HDAC8: variants seen among roughly 807,000 people sequenced by gnomAD.
The protein encoded by HDAC8 is histone deacetylase-like 1.
In HDAC8, 1 loss-of-function variant was observed where a neutral mutation model predicts 32.2. That is an observed-to-expected ratio of 0.03 (90% CI 0.01 to 0.15). The LOEUF is 0.15. Among genes scored for constraint, HDAC8 ranks in the 10% least tolerant of loss-of-function variants. The pLI, the probability that HDAC8 is intolerant of heterozygous loss-of-function variation, is 1.00. For missense variants in HDAC8, 117 were observed against 300.0 expected, an observed-to-expected ratio of 0.39 and a Z score of 4.51; for synonymous variants, 108 against 113.9, an observed-to-expected ratio of 0.95 and a Z score of 0.33.
intron 9 of HDAC8, among the ~76,000 whole-genome samples, chrX:72,391,865 C>T (rs2045621368): frequency 9.0e-6 from 1 of 111,383 alleles, no homozygotes; most frequent in African/African-American, 3.3e-5. Flanking sequence ...CAAGGAACCT[C>T]TACTCTCACA....
chrX:72,423,124 C>T (rs1399532345), intron 9 of HDAC8, among the ~76,000 whole-genome samples: 2 of 111,311 alleles, frequency 1.8e-5, no homozygotes, highest in African/African-American at 6.5e-5. Flanking sequence ...TAATTTTACC[C>T]TGAGATGCTT....
chrX:72,425,099 C>G (rs1169279921), intron 9 of HDAC8, among the ~76,000 whole-genome samples: 4 of 111,638 alleles, frequency 3.6e-5, no homozygotes, highest in African/African-American at 1.3e-4. Flanking sequence ...TATGGTAATT[C>G]TATGTTTAAC....
intron 4 of HDAC8, among the ~76,000 whole-genome samples, chrX:72,546,978 T>C (rs2050884122): frequency 9.0e-6 from 1 of 111,402 alleles, no homozygotes; most frequent in Non-Finnish European, 1.9e-5. Context: ...TCCTAATCTC[T>C]TAAAACAATA....
At chrX:72,396,754 T>G (rs782295485) in intron 9 of HDAC8, among the ~76,000 whole-genome samples, 194 of 110,621 alleles carry the variant, frequency 1.8e-3, no homozygotes, top group African/African-American at 5.9e-3. Context: ...TAATCCCAGC[T>G]ACTTGGGAGG....
Position 72,474,539 on chromosome X carries a change from C to A in HDAC8, c.738-9808G>T. The A allele has an allele frequency of 2.7e-6, 3 of 1,106,260 alleles. No individual in the cohort carries two copies. The South Asian group carries it at 7.1e-5, about 26-fold the overall frequency. 91.2% of individuals were successfully genotyped at this position (1,106,260 alleles called of 1,213,427 possible). On this transcript the variant is annotated intron_variant, in intron 7 of 10. Transcript: ENST00000373573. ...ATCCAGAAAGGAGGGGGAGGACAGG[C>A]ATCTCTTTATACTACATTAGTAACT... is the stretch of plus-strand genomic sequence containing the variant.
rs1260884432 is a variant in HDAC8 at position 72,415,092 on chromosome X, A to G, written c.1005+46912T>C. On this transcript the variant is annotated intron_variant, in intron 9 of 10. Transcript: ENST00000373573. ...TTTTGAAAACTTTCAAATCTATAGAAAAGCTACAAAAACAATATAATGAAT... is the reference window on the plus strand; with the variant it reads ...TTTTGAAAACTTTCAAATCTATAGAGAAGCTACAAAAACAATATAATGAAT... Among the ~76,000 whole-genome samples the G allele has an allele frequency of 2.7e-5, 3 of 112,506 alleles. No homozygotes were observed. In the Admixed American group the frequency reaches 2.8e-4, roughly 11 times the overall value.
chrX:72,492,020 C>T (rs2048886445), intron 5 of HDAC8, among the ~76,000 whole-genome samples: 1 of 111,870 alleles, frequency 8.9e-6, no homozygotes, highest in Non-Finnish European at 1.9e-5. Flanking sequence ...GTTTGAATTT[C>T]CCAAGCCTTA....
intron 9 of HDAC8, among the ~76,000 whole-genome samples, chrX:72,431,611 C>T (rs931412172): frequency 2.7e-5 from 3 of 110,564 alleles, no homozygotes; most frequent in Non-Finnish European, 5.7e-5. Context: ...ATTTTCTTTA[C>T]CGTCTATTCA....
At chrX:72,440,975 C>G (rs1555981503) in intron 9 of HDAC8, among the ~76,000 whole-genome samples, 1 of 112,880 alleles carries the variant, frequency 8.9e-6, no homozygotes, top group African/African-American at 3.2e-5. Flanking sequence ...GGCAGCGAGG[C>G]TGAGGGAGGG....
intron 4 of HDAC8, among the ~76,000 whole-genome samples, chrX:72,513,936 A>G (rs184190313): frequency 4.5e-4 from 50 of 112,168 alleles, no homozygotes; most frequent in Middle Eastern, 4.6e-3. Flanking sequence ...TCACACCATT[A>G]ACCATTTTCT....
intron 9 of HDAC8, among the ~76,000 whole-genome samples, chrX:72,368,133 G>A (rs1389184678): frequency 7.1e-5 from 8 of 112,014 alleles, no homozygotes; most frequent in African/African-American, 2.3e-4. Flanking sequence ...ATGGAAACTC[G>A]TTTCCTCTTT....
At chrX:72,332,721 G>C (rs972971762) in intron 10 of HDAC8, among the ~76,000 whole-genome samples, 1 of 109,234 alleles carries the variant, frequency 9.2e-6, no homozygotes, top group South Asian at 4.0e-4. Flanking sequence ...GTGCGATCTC[G>C]GCTCACTGCA....
intron 9 of HDAC8, among the ~76,000 whole-genome samples, chrX:72,428,275 G>A (rs1034709951): frequency 2.7e-5 from 3 of 111,977 alleles, no homozygotes; most frequent in Non-Finnish European, 3.8e-5. Flanking sequence ...TGTATTTTCA[G>A]TAGAGACGGG....
chrX:72,536,942 C>T (rs2050547450), intron 4 of HDAC8, among the ~76,000 whole-genome samples: 1 of 111,918 alleles, frequency 8.9e-6, no homozygotes, highest in Non-Finnish European at 1.9e-5. Flanking sequence ...TGACCCAGCA[C>T]AGAGAGAAAG....
intron 9 of HDAC8, among the ~76,000 whole-genome samples, chrX:72,362,678 G>T (rs2044590177): frequency 8.9e-6 from 1 of 112,410 alleles, no homozygotes; most frequent in African/African-American, 3.2e-5. Flanking sequence ...ATTAAATGCT[G>T]AATATTATCA....
chrX:72,343,288 G>T (rs1222295889), intron 10 of HDAC8, among the ~76,000 whole-genome samples: 2 of 109,040 alleles, frequency 1.8e-5, no homozygotes, highest in African/African-American at 6.7e-5. Flanking sequence ...TCACATCTCA[G>T]CCTCCCAAGT....
At chrX:72,559,988 G>C (rs781913445) in intron 4 of HDAC8, among the ~76,000 whole-genome samples, 1 of 109,481 alleles carries the variant, frequency 9.1e-6, no homozygotes, top group South Asian at 3.9e-4. Context: ...GGGAGGTGGG[G>C]GGCGCCTCTG....
intron 9 of HDAC8, among the ~76,000 whole-genome samples, chrX:72,447,042 C>G (rs1280661958): frequency 1.8e-5 from 2 of 112,166 alleles, no homozygotes; most frequent in African/African-American, 6.5e-5. Context: ...CCTTCTGAAA[C>G]TATTCCAAAC....
intron 7 of HDAC8, among the ~76,000 whole-genome samples, chrX:72,472,068 A>ATTTTTTTTTT (rs1290628293): frequency 1.0e-5 from 1 of 99,050 alleles, no homozygotes; most frequent in African/African-American, 3.8e-5. Context: ...ATTTTATTTT[A>ATTTTTTTTTT]TTTATTTTTT....
Sources: allele counts gnomAD v4.1 joint callset (sites outside exome capture counted in the v4.1 genomes callset), GRCh38; gene constraint gnomAD v4.1.1; transcripts MANE v1.5; gene names NCBI Gene and HGNC (gene_info 2026-07-23, HGNC 2026-07-21).